The following GALNT13 variants were observed in gnomAD, a reference collection of about 807,000 sequenced individuals.
GALNT13 encodes the protein UDP-GalNAc:polypeptide N-acetylgalactosaminyltransferase 13.
GALNT13 carries 28 observed loss-of-function variants against 64.2 expected under a neutral mutation model. The ratio of observed to expected loss-of-function variants is 0.44; its 90% CI spans 0.32 to 0.60. The LOEUF (loss-of-function observed/expected upper bound fraction) is 0.60. Among genes scored for constraint, GALNT13 ranks in the 20% least tolerant of loss-of-function variants. The probability of loss-of-function intolerance (pLI) is 0.05; values close to 1 mark genes in which losing one functional copy is unlikely to be tolerated. For missense variants in GALNT13, 577 were observed against 669.8 expected (o/e 0.86, Z 1.53); for synonymous variants, 214 against 224.6 (o/e 0.95, Z 0.42).
chr2:153,499,103 G>A, the GALNT13 span, among the ~76,000 whole-genome samples: 8 of 152,228 alleles, frequency 5.3e-5, no homozygotes, highest in East Asian at 1.4e-3. Flanking sequence ...CGCCCGCCTC[G>A]GCCTCCCAAA....
chr2:153,329,165 C>T, the GALNT13 span, among the ~76,000 whole-genome samples: 48 of 152,076 alleles, frequency 3.2e-4, no homozygotes, highest in African/African-American at 1.0e-3. Context: ...TGAGATGAAC[C>T]GGGTACCTCA....
chr2:153,417,172 G>A, the GALNT13 span, among the ~76,000 whole-genome samples: 2 of 152,150 alleles, frequency 1.3e-5, no homozygotes, highest in African/African-American at 4.8e-5. Flanking sequence ...ATCCCTACAG[G>A]GAGAGAATGC....
chr2:154,332,590 T>C (rs1411949530), intron 9 of GALNT13, among the ~76,000 whole-genome samples: 1 of 152,116 alleles, frequency 6.6e-6, no homozygotes, highest in African/African-American at 2.4e-5. Context: ...GGAACCTCTT[T>C]ATAAGACACC....
At chr2:153,483,493 C>A in the GALNT13 span, among the ~76,000 whole-genome samples, 1 of 149,006 alleles carries the variant, frequency 6.7e-6, no homozygotes, top group Non-Finnish European at 1.5e-5. Flanking sequence ...CTCAGCTCAC[C>A]GCAACCTCTG....
the GALNT13 span, among the ~76,000 whole-genome samples, chr2:153,739,625 A>G: frequency 1.4e-5 from 1 of 69,834 alleles, no homozygotes; most frequent in East Asian, 2.1e-4. Flanking sequence ...GATTTTATTT[A>G]TTATTTTATT....
chr2:153,631,847 A>G, the GALNT13 span, among the ~76,000 whole-genome samples: 2 of 152,094 alleles, frequency 1.3e-5, no homozygotes, highest in African/African-American at 4.8e-5. Flanking sequence ...TTTTGTTGCC[A>G]TTGCTTTTGG....
chr2:154,275,063 G>A (rs560138922), intron 8 of GALNT13, among the ~76,000 whole-genome samples: 182 of 152,284 alleles, frequency 1.2e-3, no homozygotes, highest in Admixed American at 1.6e-3. Flanking sequence ...CTTTGAACTT[G>A]AGAGAGATAA....
At chr2:153,197,467 C>T in the GALNT13 span, among the ~76,000 whole-genome samples, 1 of 152,232 alleles carries the variant, frequency 6.6e-6, no homozygotes, top group East Asian at 1.9e-4. Flanking sequence ...CTGTTATTAG[C>T]TCCTTAGGTG....
chr2:153,755,283 T>C, the GALNT13 span, among the ~76,000 whole-genome samples: 1 of 152,182 alleles, frequency 6.6e-6, no homozygotes, highest in African/African-American at 2.4e-5. Context: ...TTCTGCCATC[T>C]TGATCCATCC....
the GALNT13 span, among the ~76,000 whole-genome samples, chr2:153,862,322 A>G: frequency 6.6e-6 from 1 of 151,082 alleles, no homozygotes; most frequent in Non-Finnish European, 1.5e-5. Flanking sequence ...TGTTTCATGT[A>G]TCTTGGAGCA....
At chr2:154,000,372 T>C (rs1175985153) in intron 3 of GALNT13, among the ~76,000 whole-genome samples, 2 of 152,070 alleles carry the variant, frequency 1.3e-5, no homozygotes, top group African/African-American at 4.8e-5. Context: ...TTGTTCTTTT[T>C]CCTTTGTCTT....
chr2:154,350,439 G>A (rs762730221), intron 9 of GALNT13, among the ~76,000 whole-genome samples: 1 of 152,164 alleles, frequency 6.6e-6, no homozygotes, highest in Non-Finnish European at 1.5e-5. Context: ...TTCAGCTTTT[G>A]TATTCTTGGA....
chr2:153,668,974 AT>A, the GALNT13 span, among the ~76,000 whole-genome samples: 1 of 152,294 alleles, frequency 6.6e-6, no homozygotes, highest in East Asian at 1.9e-4. Context: ...AAAATCTTGC[AT>A]GTGAGATGGG....
intron 3 of GALNT13, among the ~76,000 whole-genome samples, chr2:154,113,334 T>A (rs368895699): frequency 1.0e-3 from 153 of 152,324 alleles, no homozygotes; most frequent in African/African-American, 3.5e-3. Context: ...CACAGCAGCC[T>A]AGATCTGTTG....
At chr2:153,786,925 G>C in the GALNT13 span, among the ~76,000 whole-genome samples, 1 of 152,076 alleles carries the variant, frequency 6.6e-6, no homozygotes, top group Non-Finnish European at 1.5e-5. Context: ...TTCATAAATA[G>C]GCAGGGAACC....
chr2:153,523,557 T>C, the GALNT13 span, among the ~76,000 whole-genome samples: 1 of 152,222 alleles, frequency 6.6e-6, no homozygotes, highest in Non-Finnish European at 1.5e-5. Context: ...TGTACTTAAG[T>C]ATCTTATTTG....
At chr2:153,485,975 C>T in the GALNT13 span, among the ~76,000 whole-genome samples, 2 of 152,110 alleles carry the variant, frequency 1.3e-5, no homozygotes, top group Admixed American at 6.5e-5. Context: ...CTTTCTCTGT[C>T]ACCCAGAGCT....
the GALNT13 span, among the ~76,000 whole-genome samples, chr2:153,150,524 G>A: frequency 6.6e-6 from 1 of 152,120 alleles, no homozygotes; most frequent in African/African-American, 2.4e-5. Flanking sequence ...TTGCTTTGGT[G>A]TTTTAGACAT....
intron 3 of GALNT13, among the ~76,000 whole-genome samples, chr2:154,096,643 T>C (rs1260139326): frequency 1.3e-5 from 2 of 152,020 alleles, no homozygotes; most frequent in African/African-American, 2.4e-5. Flanking sequence ...AATGCCATCC[T>C]TTCACCATAT....
Sources: allele counts gnomAD v4.1 joint callset (sites outside exome capture counted in the v4.1 genomes callset), GRCh38; gene constraint gnomAD v4.1.1; transcripts MANE v1.5; gene names NCBI Gene and HGNC (gene_info 2026-07-23, HGNC 2026-07-21).